Variants in OPCML observed in about 807,000 individuals in gnomAD.
The protein encoded by OPCML is opioid-binding protein/cell adhesion molecule.
A neutral mutation model predicts 37.8 loss-of-function variants in OPCML; 13 were observed. The ratio of observed to expected loss-of-function variants is 0.34; its 90% CI spans 0.22 to 0.55. OPCML has a LOEUF of 0.55. OPCML is among the 20% of genes least tolerant of loss of function. OPCML has a pLI of 0.91. For synonymous variants in OPCML, 176 were observed against 168.8 expected, an observed-to-expected ratio of 1.04 and a Z score of -0.33; for missense variants, 341 against 435.6, an observed-to-expected ratio of 0.78 and a Z score of 1.93.
chr11:132,673,068 C>T (rs1315998169), intron 2 of OPCML, among the ~76,000 whole-genome samples: 2 of 152,088 alleles, frequency 1.3e-5, no homozygotes, highest in Non-Finnish European at 1.5e-5. Context: ...TCTAAGTCAT[C>T]AATGCATATT....
At chr11:132,437,408 G>T in intron 4 of OPCML, 49 bp from the exon 5 acceptor site, 1 of 1,601,496 alleles carries the variant, frequency 6.2e-7, no homozygotes, top group Admixed American at 1.7e-5. Flanking sequence ...TGTGTAACCA[G>T]GGACAGAACC....
At chr11:133,063,575 T>TA (rs1248640998) in intron 1 of OPCML, among the ~76,000 whole-genome samples, 1 of 151,802 alleles carries the variant, frequency 6.6e-6, no homozygotes, top group Non-Finnish European at 1.5e-5. Context: ...TTGGTTTTTT[T>TA]TTTCGGAGGG....
intron 2 of OPCML, among the ~76,000 whole-genome samples, chr11:132,735,439 C>T (rs1327572376): frequency 6.6e-6 from 1 of 152,108 alleles, no homozygotes; most frequent in South Asian, 2.1e-4. Flanking sequence ...AAATGAACCT[C>T]AGTAATACTC....
chr11:132,740,644 C>T (rs181689429), intron 2 of OPCML, among the ~76,000 whole-genome samples: 1 of 152,000 alleles, frequency 6.6e-6, no homozygotes, highest in East Asian at 1.9e-4. Context: ...TCGTAATGTG[C>T]CAGAATATCT....
At chr11:133,418,138 G>T in intron 1 of OPCML, 1 of 985,400 alleles carries the variant, frequency 1.0e-6, no homozygotes, top group Non-Finnish European at 1.2e-6. Context: ...GAAGACAGCA[G>T]GAAACAATCA....
At chr11:133,251,195 T>A (rs1398927054) in intron 1 of OPCML, among the ~76,000 whole-genome samples, 1 of 152,160 alleles carries the variant, frequency 6.6e-6, no homozygotes, top group Non-Finnish European at 1.5e-5. Context: ...GAAAACATGT[T>A]TCACGACAGT....
At chr11:132,673,625 C>T (rs1447518229) in intron 2 of OPCML, among the ~76,000 whole-genome samples, 2 of 152,000 alleles carry the variant, frequency 1.3e-5, no homozygotes, top group South Asian at 2.1e-4. Context: ...GTCATTGGCT[C>T]CTCAGAGTTT....
intron 1 of OPCML, among the ~76,000 whole-genome samples, chr11:133,501,636 G>T (rs902903097): frequency 1.3e-5 from 2 of 152,090 alleles, no homozygotes; most frequent in Non-Finnish European, 2.9e-5. Flanking sequence ...CTTGGGGGAA[G>T]TCAGTCCATC....
intron 3 of OPCML, among the ~76,000 whole-genome samples, chr11:132,553,194 A>G (rs1294089018): frequency 1.3e-5 from 2 of 152,222 alleles, no homozygotes; most frequent in Non-Finnish European, 2.9e-5. Context: ...ATCTCCCATA[A>G]TGGGGGATAA....
chr11:133,528,003 G>A (rs1313237606), intron 1 of OPCML, among the ~76,000 whole-genome samples: 5 of 152,198 alleles, frequency 3.3e-5, no homozygotes, highest in African/African-American at 1.2e-4. Flanking sequence ...ACAAATGCAG[G>A]CAAGTGCCAG....
At chr11:133,273,686 G>A (rs757567620) in intron 1 of OPCML, among the ~76,000 whole-genome samples, 15 of 152,090 alleles carry the variant, frequency 9.9e-5, no homozygotes, top group Non-Finnish European at 1.9e-4. Context: ...TCTTCCTTCC[G>A]CAGGAAGAAG....
chr11:133,094,727 GGA>G (rs1948970603), intron 1 of OPCML, among the ~76,000 whole-genome samples: 1 of 152,094 alleles, frequency 6.6e-6, no homozygotes, highest in African/African-American at 2.4e-5. Flanking sequence ...ACCAATGTCT[GGA>G]ATGAACTATA....
intron 2 of OPCML, among the ~76,000 whole-genome samples, chr11:132,871,644 C>T (rs974242321): frequency 6.6e-6 from 1 of 152,152 alleles, no homozygotes; most frequent in African/African-American, 2.4e-5. Flanking sequence ...CGGTCTCCCT[C>T]CATGGGATGA....
intron 3 of OPCML, among the ~76,000 whole-genome samples, chr11:132,572,519 C>T (rs2096441045): frequency 6.6e-6 from 1 of 152,042 alleles, no homozygotes; most frequent in Admixed American, 6.6e-5. Context: ...GTCCTCTATC[C>T]ATGGTATATT....
Position 132,670,661 on chromosome 11 carries a change from G to T in OPCML, c.147-13342C>A, listed in dbSNP as rs1048524991. Among the ~76,000 whole-genome samples the T allele has an allele frequency of 6.6e-5, 10 of 152,036 alleles. No homozygotes were observed. The East Asian group carries it at 1.7e-3, about 26-fold the overall frequency. On this transcript the variant is annotated intron_variant, in intron 2 of 7. Coordinates refer to ENST00000524381, the MANE Select transcript of OPCML (RefSeq NM_001012393.5). ...AACTCCTGATCCTCTGTGAATATCA[G>T]TTTTCTCATTTGGAAATAATATTTG...
At chr11:133,302,641 G>A (rs1197833044) in intron 1 of OPCML, 1 of 152,142 alleles carries the variant, frequency 6.6e-6, no homozygotes, top group African/African-American at 2.4e-5. Context: ...GCACGTGCAA[G>A]GAGCACCACA....
At chr11:133,146,304 CATCTT>C (rs1949895414) in intron 1 of OPCML, among the ~76,000 whole-genome samples, 1 of 148,200 alleles carries the variant, frequency 6.7e-6, no homozygotes, top group African/African-American at 2.5e-5. Context: ...CTCTATCTTC[CATCTT>C]TTCTTTTTTT....
At chr11:133,137,864 A>G (rs1413372156) in intron 1 of OPCML, among the ~76,000 whole-genome samples, 3 of 152,234 alleles carry the variant, frequency 2.0e-5, no homozygotes, top group East Asian at 1.9e-4. Context: ...ACATCCAGTG[A>G]AAGTGTGAAC....
At chr11:133,162,652 GC>G (rs1355263062) in intron 1 of OPCML, among the ~76,000 whole-genome samples, 1 of 152,130 alleles carries the variant, frequency 6.6e-6, no homozygotes, top group South Asian at 2.1e-4. Flanking sequence ...GTGTCCTCAT[GC>G]AAGAAACTTT....
Sources: gnomAD v4.1 joint callset for allele counts (sites outside exome capture counted in the v4.1 genomes callset) on GRCh38, gnomAD v4.1.1 for gene constraint, MANE v1.5 for transcripts, NCBI Gene and HGNC (gene_info 2026-07-23, HGNC 2026-07-21) for gene names.